The following FBXW4 variants were observed in gnomAD, a reference collection of about 807,000 sequenced individuals.
FBXW4 encodes the protein F-box and WD repeat domain containing 4.
FBXW4 carries 40 observed loss-of-function variants against 61.8 expected under a neutral mutation model. The observed-to-expected ratio is 0.65, with a 90% CI of 0.50 to 0.84. FBXW4 has a LOEUF of 0.84. FBXW4 is among the 40% of genes least tolerant of loss of function. The pLI is 0.00. For missense variants in FBXW4, 672 were observed against 753.8 expected, an observed-to-expected ratio of 0.89 and a Z score of 1.27; for synonymous variants, 311 against 313.8, an observed-to-expected ratio of 0.99 and a Z score of 0.10.
rs1470957386 is a variant in FBXW4, at chr10:101,612,404, G to C, written c.1375C>G (p.Pro459Ala). 1 of 1,600,712 alleles carries C rather than the reference G, an allele frequency of 6.2e-7. No individual in the cohort carries two copies. Among genetic ancestry groups the C allele is most frequent in the Non-Finnish European group, 8.5e-7 (1 of 1,173,348 alleles). ...TAGCCACAGGACAGCAGTGTGAAAG[G>C]GGACTCATACATGACATCCAGCACC... is the stretch of plus-strand genomic sequence containing the variant. ...AGVLDVMYESPFTLLSCGYDT... is the reference protein window; with the variant it reads ...AGVLDVMYESAFTLLSCGYDT... The change falls in exon 7 of 9, where the codon CCT becomes GCT. Residue 459 changes from proline to alanine, a missense_variant. Physicochemically the swap from Pro to Ala is conservative, Grantham distance 27 (BLOSUM62 -1). Coordinates refer to ENST00000331272, the MANE Select transcript of FBXW4 (RefSeq NM_022039.4).
At chr10:101,649,125 A>C (rs1419138913) in intron 5 of FBXW4, among the ~76,000 whole-genome samples, 1 of 152,094 alleles carries the variant, frequency 6.6e-6, no homozygotes, top group Admixed American at 6.5e-5. Context: ...CTTGTAATGA[A>C]GCTAATAATG....
chr10:101,687,014 AAAG>A (rs769214158), intron 1 of FBXW4, among the ~76,000 whole-genome samples: 5 of 152,212 alleles, frequency 3.3e-5, no homozygotes, highest in Non-Finnish European at 7.3e-5. Flanking sequence ...GAAAAAAGGA[AAAG>A]AAGTACTCAA....
chr10:101,693,283 T>A (rs2064631395), intron 1 of FBXW4, among the ~76,000 whole-genome samples: 1 of 152,202 alleles, frequency 6.6e-6, no homozygotes, highest in Admixed American at 6.5e-5. Flanking sequence ...AACTGATTTT[T>A]AAAAAATATG....
intron 4 of FBXW4, 92 bp from the exon 5 acceptor site, chr10:101,668,072 G>C: frequency 1.1e-6 from 1 of 951,546 alleles, no homozygotes; most frequent in Non-Finnish European, 1.7e-6. Context: ...TGGAGGTGGA[G>C]AAATGGGGAA....
intron 3 of FBXW4, 24 bp from the exon 4 acceptor site, chr10:101,673,071 C>A (rs765215709): frequency 3.7e-6 from 6 of 1,605,608 alleles, no homozygotes; most frequent in Non-Finnish European, 5.1e-6. Context: ...AAGGAGCCGA[C>A]CCCCAAGAAC....
At chr10:101,666,420 A>G (rs191047343) in intron 5 of FBXW4, among the ~76,000 whole-genome samples, 95 of 152,326 alleles carry the variant, frequency 6.2e-4, no homozygotes, top group African/African-American at 2.0e-3. Context: ...AATTCTTAGA[A>G]AGAAAAAAAA....
Position 101,611,536 on chromosome 10 carries a change from T to C in FBXW4, c.1584+92A>G. On this transcript the variant is annotated intron_variant, in intron 8 of 8. Coordinates refer to ENST00000331272, the MANE Select transcript of FBXW4 (RefSeq NM_022039.4). The surrounding 1 kb of genome is among the most constrained non-coding windows in gnomAD (Gnocchi z 4.9). ...ATTGTAGGCTTCTTCCAACCCTTTC[T>C]AGGCACGTCCTTGGCTACCTCACCC... 1.9e-6 allele frequency: 3 copies of C among 1,577,640 alleles called. No homozygotes were observed. Among genetic ancestry groups the C allele is most frequent in the Non-Finnish European group, 2.6e-6 (3 of 1,158,200 alleles).
chr10:101,642,377 CCTATCT>C (rs2064060710), intron 5 of FBXW4, among the ~76,000 whole-genome samples: 1 of 132,026 alleles, frequency 7.6e-6, no homozygotes, highest in South Asian at 2.9e-4. Context: ...ATAGCGGGAC[CCTATCT>C]CTATTTTTTT....
intron 4 of FBXW4, among the ~76,000 whole-genome samples, chr10:101,671,292 G>A (rs2064356393): frequency 6.6e-6 from 1 of 152,190 alleles, no homozygotes; most frequent in African/African-American, 2.4e-5. Flanking sequence ...CAGCTTGCAG[G>A]ACCAGAGAAG....
At chr10:101,661,802 C>G (rs2064247108) in intron 5 of FBXW4, among the ~76,000 whole-genome samples, 1 of 152,174 alleles carries the variant, frequency 6.6e-6, no homozygotes, top group African/African-American at 2.4e-5. Context: ...ACCCACTCTG[C>G]CCCTGACCCT....
chr10:101,634,560 T>G (rs1285991627), intron 5 of FBXW4, among the ~76,000 whole-genome samples: 2 of 149,242 alleles, frequency 1.3e-5, no homozygotes, highest in Admixed American at 1.3e-4. Flanking sequence ...AATAGATCAG[T>G]GGATCAGAAT....
intron 5 of FBXW4, among the ~76,000 whole-genome samples, chr10:101,661,501 A>G (rs1236791740): frequency 1.3e-5 from 2 of 152,152 alleles, no homozygotes; most frequent in East Asian, 1.9e-4. Context: ...CTCCAAATCA[A>G]TGACATCCCC....
chr10:101,676,871 A>G (rs1017954628), intron 1 of FBXW4, among the ~76,000 whole-genome samples: 2 of 152,334 alleles, frequency 1.3e-5, no homozygotes, highest in East Asian at 3.9e-4. Flanking sequence ...GAAGGTAGAC[A>G]TAGATTTCTT....
intron 6 of FBXW4, 67 bp from the exon 7 acceptor site, chr10:101,612,544 A>G (rs1284200751): frequency 7.1e-7 from 1 of 1,406,582 alleles, no homozygotes; most frequent in Non-Finnish European, 9.4e-7. Flanking sequence ...CCACCTTCAG[A>G]AGGCATCAGA....
intron 5 of FBXW4, among the ~76,000 whole-genome samples, chr10:101,661,952 T>C (rs1394264747): frequency 6.6e-6 from 1 of 152,150 alleles, no homozygotes; most frequent in African/African-American, 2.4e-5. Flanking sequence ...TACACCCAGC[T>C]GTCCACAGCC....
At chr10:101,675,181 T>A (rs1448369976) in intron 2 of FBXW4, among the ~76,000 whole-genome samples, 2 of 152,210 alleles carry the variant, frequency 1.3e-5, no homozygotes, top group Admixed American at 6.5e-5. Flanking sequence ...ACATGGAACA[T>A]GTGTAGAGTG....
intron 1 of FBXW4, among the ~76,000 whole-genome samples, chr10:101,684,880 GTGAAGGGAAAC>G (rs1263806409): frequency 2.6e-5 from 4 of 152,174 alleles, no homozygotes; most frequent in African/African-American, 9.7e-5. Flanking sequence ...AAAATTCAGA[GTGAAGGGAAAC>G]TGTAGGAAAC....
At chr10:101,623,304 T>G (rs1320187329) in intron 6 of FBXW4, among the ~76,000 whole-genome samples, 1 of 152,026 alleles carries the variant, frequency 6.6e-6, no homozygotes, top group East Asian at 1.9e-4. Context: ...TCCCAGCTAC[T>G]AGGGAGGCTG....
chr10:101,645,780 G>A (rs879558106), intron 5 of FBXW4, among the ~76,000 whole-genome samples: 4 of 152,142 alleles, frequency 2.6e-5, no homozygotes, highest in Non-Finnish European at 2.9e-5. Flanking sequence ...TAATCAACAA[G>A]TTCTAATTCC....
Sources: gnomAD v4.1 joint callset for allele counts (sites outside exome capture counted in the v4.1 genomes callset) on GRCh38, gnomAD v4.1.1 for gene constraint, Gnocchi (gnomAD v3.1) non-coding constraint, MANE v1.5 for transcripts, NCBI Gene and HGNC (gene_info 2026-07-23, HGNC 2026-07-21) for gene names.